HERC3: variants seen among roughly 807,000 people sequenced by gnomAD.
HERC3 encodes the protein HECT and RLD domain containing E3 ubiquitin protein ligase 3.
HERC3 carries 58 observed loss-of-function variants against 129.9 expected under a neutral mutation model. The ratio of observed to expected loss-of-function variants is 0.45; its 90% CI spans 0.36 to 0.56. HERC3 has a LOEUF of 0.56. HERC3 is among the 20% of genes least tolerant of loss of function. HERC3 has a pLI of 0.00. For missense variants in HERC3, 835 were observed against 1,244.2 expected, an observed-to-expected ratio of 0.67 and a Z score of 4.95; for synonymous variants, 430 against 451.0, an observed-to-expected ratio of 0.95 and a Z score of 0.59.
chr4:88,692,861 A>G, intron 23 of HERC3: 1 of 984,864 alleles, frequency 1.0e-6, no homozygotes, highest in Non-Finnish European at 1.2e-6. Flanking sequence ...TCAGGGGCTA[A>G]GGCTGGGGCT....
chr4:88,595,060 C>A (rs1232895807), intron 1 of HERC3, among the ~76,000 whole-genome samples: 1 of 131,904 alleles, frequency 7.6e-6, no homozygotes, highest in African/African-American at 2.8e-5. Flanking sequence ...CGAGATCGGC[C>A]ACTGCACTCC....
At chr4:88,587,525 G>A (rs550989030), upstream of HERC3, among the ~76,000 whole-genome samples, 1 of 152,262 alleles carries the variant, frequency 6.6e-6, no homozygotes, top group South Asian at 2.1e-4. Flanking sequence ...CATTTATTAG[G>A]TATATTTGCT....
chr4:88,689,581 CTTTT>C (rs745365102), intron 23 of HERC3, among the ~76,000 whole-genome samples: 1 of 139,154 alleles, frequency 7.2e-6, no homozygotes. Flanking sequence ...TCCTTGACTA[CTTTT>C]TTTTTTTTTC....
chr4:88,676,763 T>C (rs567595757), intron 18 of HERC3, among the ~76,000 whole-genome samples: 2 of 152,228 alleles, frequency 1.3e-5, no homozygotes, highest in African/African-American at 2.4e-5. Context: ...AACAAAACTT[T>C]ATGTATGTTG....
the HERC3 span, among the ~76,000 whole-genome samples, chr4:88,545,430 C>CCTTTTTT: frequency 2.2e-4 from 24 of 110,396 alleles, no homozygotes; most frequent in Middle Eastern, 4.9e-3. Flanking sequence ...TTTGAGAATT[C>CCTTTTTT]TTTTTTTTTT....
intron 3 of HERC3, among the ~76,000 whole-genome samples, chr4:88,621,250 G>A (rs887722707): frequency 5.9e-5 from 9 of 152,022 alleles, no homozygotes; most frequent in African/African-American, 2.2e-4. Context: ...GGGATTACAG[G>A]TGCCCGCCAC....
the HERC3 span, among the ~76,000 whole-genome samples, chr4:88,582,267 G>A: frequency 6.6e-6 from 1 of 152,060 alleles, no homozygotes; most frequent in South Asian, 2.1e-4. Flanking sequence ...TTTTGATATA[G>A]AGAGGAATGG....
the HERC3 span, among the ~76,000 whole-genome samples, chr4:88,531,771 G>A: frequency 6.6e-6 from 1 of 152,152 alleles, no homozygotes; most frequent in Non-Finnish European, 1.5e-5. Context: ...AGCAGGGAGA[G>A]TTGACACGCA....
chr4:88,698,269 C>A (rs909676972), intron 23 of HERC3, among the ~76,000 whole-genome samples: 1 of 152,166 alleles, frequency 6.6e-6, no homozygotes, highest in Non-Finnish European at 1.5e-5. Context: ...AGTGGAGGAA[C>A]GGGCAAGCTG....
intron 3 of HERC3, among the ~76,000 whole-genome samples, chr4:88,613,350 C>T (rs907997518): frequency 2.0e-5 from 3 of 152,358 alleles, no homozygotes; most frequent in African/African-American, 7.2e-5. Context: ...TAGTTTCCCT[C>T]TTGCAGGTAA....
chr4:88,563,554 A>G, the HERC3 span, among the ~76,000 whole-genome samples: 5 of 152,194 alleles, frequency 3.3e-5, no homozygotes, highest in East Asian at 9.6e-4. Flanking sequence ...AAGAAAGGTG[A>G]AAGTGGGCAT....
chr4:88,683,893 G>A (rs1212627857), intron 21 of HERC3, among the ~76,000 whole-genome samples: 1 of 152,074 alleles, frequency 6.6e-6, no homozygotes, highest in African/African-American at 2.4e-5. Flanking sequence ...AACATCATGA[G>A]ATTTTTTTGC....
intron 2 of HERC3, among the ~76,000 whole-genome samples, chr4:88,603,590 C>T (rs1000371986): frequency 6.6e-6 from 1 of 152,190 alleles, no homozygotes; most frequent in African/African-American, 2.4e-5. Context: ...CGTCTCCTTT[C>T]GTCTCTAAAT....
chr4:88,576,325 A>T, the HERC3 span, among the ~76,000 whole-genome samples: 1 of 152,068 alleles, frequency 6.6e-6, no homozygotes, highest in Non-Finnish European at 1.5e-5. Flanking sequence ...GTGGCTTCTC[A>T]TTGAATGTCC....
intron 12 of HERC3, among the ~76,000 whole-genome samples, chr4:88,665,271 GCGA>G (rs1235799414): frequency 3.3e-5 from 5 of 152,174 alleles, no homozygotes; most frequent in African/African-American, 1.2e-4. Context: ...GGAGAACCAG[GCGA>G]GCCAGCATCA....
the HERC3 span, among the ~76,000 whole-genome samples, chr4:88,556,474 T>C: frequency 6.6e-6 from 1 of 152,194 alleles, no homozygotes; most frequent in South Asian, 2.1e-4. Flanking sequence ...TTTAGTTACA[T>C]TCTATCAACA....
intron 2 of HERC3, among the ~76,000 whole-genome samples, chr4:88,604,124 G>A (rs934978855): frequency 7.9e-5 from 12 of 152,018 alleles, no homozygotes; most frequent in African/African-American, 2.4e-4. Context: ...GGATTCAAGC[G>A]ATTCTCCTAC....
the HERC3 span, among the ~76,000 whole-genome samples, chr4:88,526,231 TA>T: frequency 2.0e-5 from 3 of 152,254 alleles, no homozygotes; most frequent in Non-Finnish European, 4.4e-5. Context: ...GGAATTTTTC[TA>T]ATTTCCAATA....
At chr4:88,682,158 C>T (rs930794489) in intron 21 of HERC3, among the ~76,000 whole-genome samples, 3 of 152,154 alleles carry the variant, frequency 2.0e-5, no homozygotes, top group African/African-American at 7.2e-5. Flanking sequence ...CTGCCATGAA[C>T]ATTTGTGCAC....
Sources: gnomAD v4.1 joint callset for allele counts (sites outside exome capture counted in the v4.1 genomes callset) on GRCh38, gnomAD v4.1.1 for gene constraint, MANE v1.5 for transcripts, NCBI Gene and HGNC (gene_info 2026-07-23, HGNC 2026-07-21) for gene names.